The following FAM20A variants were observed in gnomAD, a reference collection of about 807,000 sequenced individuals.
FAM20A encodes the protein FAM20A golgi associated secretory pathway pseudokinase.
In FAM20A, 42 loss-of-function variants were observed where a neutral mutation model predicts 52.0. The observed-to-expected ratio is 0.81, with a 90% CI of 0.63 to 1.04. The LOEUF is 1.04. Among genes scored for constraint, FAM20A ranks in the 50% least tolerant of loss-of-function variants. The pLI is 0.00. For missense variants in FAM20A, 742 were observed against 712.7 expected, an observed-to-expected ratio of 1.04 and a Z score of -0.47; for synonymous variants, 304 against 298.9, an observed-to-expected ratio of 1.02 and a Z score of -0.18.
chr17:68,600,219 C>A lies in FAM20A; in HGVS notation c.404+44G>T. ...TCGAGACTGGGGCGCGGGGAGGCCCCGGCCAGAGCGCCCGCTCTCCCGCGT... is the reference window on the plus strand; with the variant it reads ...TCGAGACTGGGGCGCGGGGAGGCCCAGGCCAGAGCGCCCGCTCTCCCGCGT... On this transcript the variant is annotated intron_variant, in intron 1 of 10. Coordinates refer to ENST00000592554, the MANE Select transcript of FAM20A (RefSeq NM_017565.4). The surrounding 1 kb of genome is among the most constrained non-coding windows in gnomAD (Gnocchi z 6.2). 2 of 1,544,216 alleles carry A rather than the reference C, an allele frequency of 1.3e-6. No homozygotes were observed. Among genetic ancestry groups the A allele is most frequent in the Non-Finnish European group, 1.7e-6 (2 of 1,144,710 alleles).
chr17:68,542,687 A>G lies in FAM20A; in HGVS notation c.928+7T>C. 6.2e-7 allele frequency: 1 copy of G among 1,605,716 alleles called. No individual in the cohort carries two copies. Among genetic ancestry groups the G allele is most frequent in the Non-Finnish European group, 8.5e-7 (1 of 1,172,446 alleles). On this transcript the variant is annotated splice_region_variant and intron_variant, in intron 6 of 10. Transcript: ENST00000592554. ...GACCCGGAATATCACTCGGGCCAGTACTCTACCTGGAGAGACAAAGAAAAC... is the reference window on the plus strand; with the variant it reads ...GACCCGGAATATCACTCGGGCCAGTGCTCTACCTGGAGAGACAAAGAAAAC...
chr17:68,538,670 T>C (rs1298442773), intron 10 of FAM20A, among the ~76,000 whole-genome samples: 1 of 152,216 alleles, frequency 6.6e-6, no homozygotes. Context: ...CAAGTAGTAA[T>C]ATTTATGAGC....
At chr17:68,558,405 C>G (rs751982895) in intron 1 of FAM20A, 1 of 409,680 alleles carries the variant, frequency 2.4e-6, no homozygotes, top group Non-Finnish European at 4.9e-6. Context: ...AAGGTGGGGC[C>G]TGGTGGGAGG....
At chr17:68,573,351 G>A (rs959977134) in intron 1 of FAM20A, among the ~76,000 whole-genome samples, 1 of 152,160 alleles carries the variant, frequency 6.6e-6, no homozygotes, top group African/African-American at 2.4e-5. Context: ...TTCTTAGCCT[G>A]TTTTTTGTTG....
chr17:68,575,488 T>C (rs1224990138), intron 1 of FAM20A, among the ~76,000 whole-genome samples: 13 of 116,708 alleles, frequency 1.1e-4, no homozygotes, highest in Admixed American at 3.4e-4. Context: ...ATATATTATA[T>C]ATTATAGATA....
intron 1 of FAM20A, among the ~76,000 whole-genome samples, chr17:68,585,292 CT>C (rs143030574): frequency 0.1 from 14,930 of 144,574 alleles, 1,589 homozygotes; most frequent in African/African-American, 0.28. Flanking sequence ...AAATCTATTT[CT>C]TTTTTTTTTC....
intron 3 of FAM20A, among the ~76,000 whole-genome samples, chr17:68,554,014 ACATATATACATATATACACACATG>A (rs1568741610): frequency 5.4e-4 from 42 of 77,096 alleles, no homozygotes; most frequent in African/African-American, 2.4e-3. Context: ...ATGCATATAT[ACATATATACATATATACACACATG>A]CATATATACA....
At chr17:68,573,817 C>T (rs1477515773) in intron 1 of FAM20A, among the ~76,000 whole-genome samples, 1 of 151,750 alleles carries the variant, frequency 6.6e-6, no homozygotes, top group Non-Finnish European at 1.5e-5. Context: ...ATACAGGTGC[C>T]AGCCACCATG....
chr17:68,600,677 C>G lies in FAM20A; in HGVS notation c.-11G>C. The G allele has an allele frequency of 6.5e-7, 1 of 1,535,410 alleles. No individual in the cohort carries two copies. Among genetic ancestry groups the G allele is most frequent in the South Asian group, 1.2e-5 (1 of 84,096 alleles). ...GCGCAGCCCCGGCATGGCGTGCTGG[C>G]CAAGGGGGACGCCGGGGGCAGGCCG... On this transcript the variant is annotated 5_prime_UTR_variant, in exon 1 of 11. Coordinates refer to ENST00000592554, the MANE Select transcript of FAM20A (RefSeq NM_017565.4). This position sits in a 1 kb window ranked among gnomAD's most constrained non-coding sequence, Gnocchi z 6.2.
intron 1 of FAM20A, among the ~76,000 whole-genome samples, chr17:68,596,396 G>C (rs1394173470): frequency 6.6e-6 from 1 of 152,234 alleles, no homozygotes; most frequent in Non-Finnish European, 1.5e-5. Flanking sequence ...GGGTTACAGA[G>C]AGACTGACCA....
At chr17:68,542,307 A>T (rs2086337500) in intron 6 of FAM20A, 142 bp from the exon 7 acceptor site, 5 of 963,262 alleles carry the variant, frequency 5.2e-6, no homozygotes, top group Non-Finnish European at 6.3e-6. Flanking sequence ...GGAAACATTG[A>T]CTTTTCCAGA....
chr17:68,575,698 A>C (rs1355099680), intron 1 of FAM20A, among the ~76,000 whole-genome samples: 1 of 121,436 alleles, frequency 8.2e-6, no homozygotes, highest in Non-Finnish European at 1.6e-5. Flanking sequence ...TTTATATTAT[A>C]TATATTATAT....
intron 2 of FAM20A, among the ~76,000 whole-genome samples, chr17:68,555,034 C>T (rs772316713): frequency 2.0e-5 from 3 of 152,154 alleles, no homozygotes; most frequent in African/African-American, 4.8e-5. Flanking sequence ...GCTCTCTAGC[C>T]CTTCAGTGGG....
chr17:68,554,151 G>C (rs2086988200), intron 3 of FAM20A, among the ~76,000 whole-genome samples: 1 of 149,420 alleles, frequency 6.7e-6, no homozygotes, highest in Non-Finnish European at 1.5e-5. Context: ...TATATTTTTA[G>C]CTGGAGTCTC....
chr17:68,554,706 G>T, intron 3 of FAM20A, 71 bp downstream of exon 3: 1 of 1,501,658 alleles, frequency 6.7e-7, no homozygotes, highest in Non-Finnish European at 9.2e-7. Context: ...GGTCGCCACT[G>T]GAGTGGGTTT....
intron 1 of FAM20A, among the ~76,000 whole-genome samples, chr17:68,599,811 GCA>G (rs2088559460): frequency 6.6e-6 from 1 of 152,150 alleles, no homozygotes; most frequent in Non-Finnish European, 1.5e-5. Flanking sequence ...TACCCAAAGA[GCA>G]CAGTTAAGTG....
chr17:68,542,468 A>T (rs1347272923), intron 6 of FAM20A, among the ~76,000 whole-genome samples: 1 of 152,142 alleles, frequency 6.6e-6, no homozygotes, highest in Non-Finnish European at 1.5e-5. Context: ...TTGTAGGGTC[A>T]ATGCCCACAC....
chr17:68,538,794 T>C (rs2086171633), intron 10 of FAM20A, among the ~76,000 whole-genome samples: 1 of 152,208 alleles, frequency 6.6e-6, no homozygotes, highest in Non-Finnish European at 1.5e-5. Flanking sequence ...AATTGAAAGG[T>C]TTAAAGGATT....
chr17:68,598,589 G>A (rs1044523658), intron 1 of FAM20A, among the ~76,000 whole-genome samples: 3 of 152,260 alleles, frequency 2.0e-5, no homozygotes, highest in East Asian at 1.9e-4. Context: ...ATCATTTCTG[G>A]TCAGAAAGTA....
Sources: gnomAD v4.1 joint callset for allele counts (sites outside exome capture counted in the v4.1 genomes callset) on GRCh38, gnomAD v4.1.1 for gene constraint, Gnocchi (gnomAD v3.1) non-coding constraint, MANE v1.5 for transcripts, NCBI Gene and HGNC (gene_info 2026-07-23, HGNC 2026-07-21) for gene names.